The following COQ4 variants were observed in gnomAD, a reference collection of about 807,000 sequenced individuals.
COQ4 encodes ubiquinone biosynthesis protein COQ4 homolog, mitochondrial.
Under a neutral mutation model 30.2 loss-of-function variants are expected in COQ4, and 36 were observed. That is an observed-to-expected ratio of 1.19 (90% CI 0.91 to 1.57). The LOEUF is 1.57. Ranked by LOEUF, COQ4 falls within the 40% of genes most tolerant of loss-of-function variation. The pLI, the probability that COQ4 is intolerant of heterozygous loss-of-function variation, is 0.00. For synonymous variants in COQ4, 197 were observed against 161.0 expected, an observed-to-expected ratio of 1.22 and a Z score of -1.69; for missense variants, 369 against 371.9, an observed-to-expected ratio of 0.99 and a Z score of 0.07.
intron 3 of COQ4, among the ~76,000 whole-genome samples, 169 bp from the exon 4 acceptor site, chr9:128,325,610 G>A (rs1832303599): frequency 6.6e-6 from 1 of 152,190 alleles, no homozygotes. Flanking sequence ...TTGGTTTGGG[G>A]TAGTATCCTA....
chr9:128,323,260 T>A, intron 2 of COQ4, 113 bp downstream of exon 2: 1 of 1,038,268 alleles, frequency 9.6e-7, no homozygotes, highest in Non-Finnish European at 1.3e-6. Context: ...TCGTAACCAC[T>A]CGGAACGTTT....
chr9:128,329,171 T>C (rs1448009787), intron 4 of COQ4, among the ~76,000 whole-genome samples: 1 of 152,096 alleles, frequency 6.6e-6, no homozygotes, highest in Non-Finnish European at 1.5e-5. Flanking sequence ...GACAAATCCT[T>C]TGACCTCGCT....
At chr9:128,329,535 A>C (rs768676440) in intron 4 of COQ4, among the ~76,000 whole-genome samples, 16 of 152,002 alleles carry the variant, frequency 1.1e-4, no homozygotes, top group Admixed American at 2.6e-4. Context: ...AGGCCTGGCT[A>C]TTTTTTGTAT....
At chr9:128,332,685 T>C (rs2131235570) in intron 5 of COQ4, 165 bp from the exon 6 acceptor site, 1 of 659,736 alleles carries the variant, frequency 1.5e-6, no homozygotes, top group Non-Finnish European at 2.7e-6. Flanking sequence ...GGCTCTCTCC[T>C]GTACTCCAAG....
intron 4 of COQ4, 69 bp downstream of exon 4, chr9:128,325,950 C>A: frequency 7.3e-7 from 1 of 1,374,548 alleles, no homozygotes; most frequent in Non-Finnish European, 1.0e-6. Context: ...GGCATGACAC[C>A]CTGAGGAAAG....
intron 4 of COQ4, among the ~76,000 whole-genome samples, chr9:128,329,725 A>G (rs1358663375): frequency 6.6e-6 from 1 of 152,158 alleles, no homozygotes. Flanking sequence ...CAAGATTGCA[A>G]GGATGAAAGG....
At chr9:128,324,168 G>A (rs1259719724) in intron 2 of COQ4, among the ~76,000 whole-genome samples, 3 of 152,054 alleles carry the variant, frequency 2.0e-5, no homozygotes, top group Non-Finnish European at 2.9e-5. Flanking sequence ...TAGTAGAGAC[G>A]GGATTTTGCT....
intron 2 of COQ4, among the ~76,000 whole-genome samples, chr9:128,324,297 A>T (rs1266760528): frequency 6.6e-6 from 1 of 150,776 alleles, no homozygotes; most frequent in African/African-American, 2.4e-5. Flanking sequence ...CGAATTTTTT[A>T]ATTTTTTTGT....
chr9:128,324,859 A>G (rs923840031), intron 2 of COQ4, among the ~76,000 whole-genome samples: 2 of 152,212 alleles, frequency 1.3e-5, no homozygotes, highest in Non-Finnish European at 2.9e-5. Context: ...TCTACCAATC[A>G]ATGGAGACAT....
intron 3 of COQ4, 112 bp downstream of exon 3, chr9:128,325,351 A>T (rs1461450603): frequency 4.0e-6 from 3 of 747,712 alleles, no homozygotes; most frequent in Non-Finnish European, 6.6e-6. Flanking sequence ...TACCCTGGCT[A>T]CATATGGTTG....
At position 128,332,236 on chromosome 9, in the gene COQ4, G is replaced by A; in HGVS notation, c.486G>A (p.Val162=). The change falls in exon 5 of 7, where the codon GTG becomes GTA. Residue 162 remains valine, a synonymous_variant. Coordinates refer to ENST00000300452, the MANE Select transcript of COQ4 (RefSeq NM_016035.5). ...ATGTGATTCAGCGGTACCGGGAGGT[G>A]CACGACATGCTTCACACCCTGCTGG... ...LAYVIQRYRE[V]HDMLHTLLGM... 1.9e-6 allele frequency: 3 copies of A among 1,613,418 alleles called. No individual in the cohort carries two copies. Among genetic ancestry groups the A allele is most frequent in the Non-Finnish European group, 8.5e-7 (1 of 1,179,862 alleles).
At chr9:128,332,669 C>T (rs775899428) in intron 5 of COQ4, 181 bp from the exon 6 acceptor site, 23 of 627,080 alleles carry the variant, frequency 3.7e-5, no homozygotes, top group Non-Finnish European at 5.4e-5. Context: ...CTTCTGTTCA[C>T]TCTTGGGCTC....
intron 4 of COQ4, 135 bp from the exon 5 acceptor site, chr9:128,332,018 C>T (rs1249239536): frequency 2.6e-5 from 27 of 1,045,518 alleles, no homozygotes; most frequent in East Asian, 1.1e-4. Flanking sequence ...GCATGAGCCT[C>T]GGCCCCTGGC....
intron 4 of COQ4, chr9:128,330,711 C>G (rs1016277844): frequency 1.3e-5 from 2 of 151,982 alleles, no homozygotes; most frequent in African/African-American, 4.8e-5. Flanking sequence ...GTGATCCGCC[C>G]GCCTCGGCCT....
chr9:128,324,131 G>A (rs1379394557), intron 2 of COQ4, among the ~76,000 whole-genome samples: 1 of 152,038 alleles, frequency 6.6e-6, no homozygotes, highest in Non-Finnish European at 1.5e-5. Flanking sequence ...TTACAGGCCT[G>A]TGCGGCCTGG....
Position 128,322,875 on chromosome 9 carries a change from G to A in COQ4, c.17G>A (p.Arg6His), listed in dbSNP as rs371409929. ...CCCGCTGCCATGGCGACTCTGCTGCGCCCTGTCCTCCGTCGGCTCTGCGGG... is the reference window on the plus strand; with the variant it reads ...CCCGCTGCCATGGCGACTCTGCTGCACCCTGTCCTCCGTCGGCTCTGCGGG... MATLL[R>H]PVLRRLCGLP... The change falls in exon 1 of 7, where the codon CGC becomes CAC. Residue 6 changes from arginine (R) to histidine (H), a missense_variant. By Grantham distance (29) the Arg-to-His change is conservative. Transcript: ENST00000300452. 9.5e-6 allele frequency: 15 copies of A among 1,581,670 alleles called. No homozygotes were observed. Among genetic ancestry groups the A allele is most frequent in the South Asian group, 3.4e-5 (3 of 88,684 alleles).
At chr9:128,325,091 C>A in intron 2 of COQ4, 52 bp from the exon 3 acceptor site, 1 of 1,340,602 alleles carries the variant, frequency 7.5e-7, no homozygotes, top group Non-Finnish European at 1.1e-6. Context: ...ACCAGGTCAG[C>A]TAACTTACCT....
At chr9:128,325,291 C>A in intron 3 of COQ4, 52 bp downstream of exon 3, 1 of 1,251,538 alleles carries the variant, frequency 8.0e-7, no homozygotes, top group Non-Finnish European at 1.2e-6. Flanking sequence ...GGTATTCTGA[C>A]CTCTCTAGAA....
In COQ4 at chr9:128,325,850, G is replaced by T. The variant is rs1412692974; in HGVS notation, c.371G>T (p.Gly124Val). Residue 124 changes from glycine (G) to valine (V), a missense_variant, in exon 4 of 7, where the codon GGT becomes GTT. Physicochemically the swap from Gly to Val is moderately radical, Grantham distance 109. Transcript: ENST00000300452. ...CAGAGCCTGCCGGAAGGCTCCCTCG[G>T]TCGCGAGTATCTCCGTTTCCTGGAT... ...KLQSLPEGSL[G>V]REYLRFLDVN... The T allele has an allele frequency of 6.2e-7, 1 of 1,614,180 alleles. No individual in the cohort carries two copies. The highest frequency in any genetic ancestry group is 2.2e-5 in the East Asian group (1 of 44,882).
Sources: allele counts gnomAD v4.1 joint callset (sites outside exome capture counted in the v4.1 genomes callset), GRCh38; gene constraint gnomAD v4.1.1; transcripts MANE v1.5; gene names NCBI Gene and HGNC (gene_info 2026-07-23, HGNC 2026-07-21).